Variants in TEX14 observed in about 807,000 individuals in gnomAD.
TEX14 encodes the protein testis expressed 14, intercellular bridge forming factor.
In TEX14, 168 loss-of-function variants were observed where a neutral mutation model predicts 178.6. The ratio of observed to expected loss-of-function variants is 0.94; its 90% confidence interval spans 0.83 to 1.07. The LOEUF (loss-of-function observed/expected upper bound fraction) is 1.07, where lower values mean the gene tolerates loss of function less well. Among genes scored for constraint, TEX14 ranks in the 50% least tolerant of loss-of-function variants. The probability of loss-of-function intolerance (pLI) is 0.00; values close to 1 mark genes in which losing one functional copy is unlikely to be tolerated. For missense variants in TEX14, 1,730 were observed against 1,753.6 expected, an observed-to-expected ratio of 0.99 and a Z score of 0.24; for synonymous variants, 626 against 634.1, an observed-to-expected ratio of 0.99 and a Z score of 0.19.
intron 5 of TEX14, among the ~76,000 whole-genome samples, chr17:58,619,606 C>T (rs1354545213): frequency 1.3e-5 from 2 of 151,958 alleles, no homozygotes; most frequent in East Asian, 3.9e-4. Flanking sequence ...TCAGGAATTC[C>T]AGACTAGCCT....
chr17:58,631,713 A>G (rs949344462), intron 2 of TEX14: 1 of 150,552 alleles, frequency 6.6e-6, no homozygotes, highest in Non-Finnish European at 1.5e-5. Context: ...CGCAACACCA[A>G]ACACTGCTAT....
At chr17:58,620,556 C>T (rs1598392718) in intron 5 of TEX14, among the ~76,000 whole-genome samples, 1 of 151,796 alleles carries the variant, frequency 6.6e-6, no homozygotes, top group East Asian at 1.9e-4. Flanking sequence ...TGCAGTGGTG[C>T]GATCTCGGCT....
intron 2 of TEX14, chr17:58,631,158 C>T (rs1383379462): frequency 2.0e-6 from 2 of 984,716 alleles, no homozygotes; most frequent in Non-Finnish European, 2.4e-6. Context: ...CCAAGAAATA[C>T]AAAAATTGAA....
intron 1 of TEX14, among the ~76,000 whole-genome samples, chr17:58,685,476 G>T (rs2047575691): frequency 6.6e-6 from 1 of 151,292 alleles, no homozygotes; most frequent in Non-Finnish European, 1.5e-5. Flanking sequence ...CAGATAAATA[G>T]TAGTTAATTA....
chr17:58,641,799 C>T (rs1380971849), intron 2 of TEX14, among the ~76,000 whole-genome samples: 3 of 152,154 alleles, frequency 2.0e-5, no homozygotes, highest in Non-Finnish European at 4.4e-5. Flanking sequence ...TAAGCCACTG[C>T]GCCCAGCCAA....
At chr17:58,659,454 G>T in intron 1 of TEX14, 1 of 365,164 alleles carries the variant, frequency 2.7e-6, no homozygotes, top group Non-Finnish European at 3.8e-6. Flanking sequence ...TTTGGTATTC[G>T]CTAGAAAATT....
intron 29 of TEX14, 100 bp downstream of exon 29, chr17:58,561,420 A>C (rs2044270013): frequency 1.2e-6 from 1 of 824,088 alleles, no homozygotes; most frequent in South Asian, 1.5e-5. Flanking sequence ...TATCTAAATC[A>C]ATGTAATGCC....
chr17:58,690,587 A>G (rs934862922), intron 1 of TEX14, among the ~76,000 whole-genome samples: 1 of 152,122 alleles, frequency 6.6e-6, no homozygotes, highest in African/African-American at 2.4e-5. Flanking sequence ...TTTTTTCTTC[A>G]CCCAAGAATC....
At chr17:58,684,302 A>G (rs1252539239) in intron 1 of TEX14, among the ~76,000 whole-genome samples, 4 of 151,760 alleles carry the variant, frequency 2.6e-5, no homozygotes. Flanking sequence ...TCTCTACTAA[A>G]AATACAAAAA....
intron 1 of TEX14, chr17:58,666,503 CAACT>C (rs1204459086): frequency 1.4e-4 from 14 of 98,870 alleles, no homozygotes; most frequent in African/African-American, 4.8e-4. Context: ...AGCTAATACA[CAACT>C]AACAAAACTT....
intron 2 of TEX14, among the ~76,000 whole-genome samples, chr17:58,640,920 G>A (rs751392100): frequency 4.0e-5 from 6 of 151,860 alleles, no homozygotes; most frequent in Non-Finnish European, 7.4e-5. Flanking sequence ...AGTTTTCACC[G>A]CGTTGCCCAG....
chr17:58,649,324 C>T (rs2046790874), intron 2 of TEX14, among the ~76,000 whole-genome samples: 1 of 152,106 alleles, frequency 6.6e-6, no homozygotes, highest in African/African-American at 2.4e-5. Context: ...AGGTGATCCA[C>T]CCACCTCAGC....
chr17:58,663,437 A>G (rs2047154233), intron 1 of TEX14, among the ~76,000 whole-genome samples: 1 of 151,922 alleles, frequency 6.6e-6, no homozygotes, highest in African/African-American at 2.4e-5. Flanking sequence ...AAAAAAAAAA[A>G]AAAGTCATTA....
intron 30 of TEX14, 46 bp from the exon 31 acceptor site, chr17:58,557,896 T>G: frequency 6.7e-7 from 1 of 1,502,024 alleles, no homozygotes; most frequent in Non-Finnish European, 9.2e-7. Context: ...GATTAATTTC[T>G]AGGTCAAAGG....
chr17:58,674,534 G>A (rs1204398104), intron 1 of TEX14, among the ~76,000 whole-genome samples: 1 of 151,520 alleles, frequency 6.6e-6, no homozygotes, highest in Non-Finnish European at 1.5e-5. Context: ...GCTGAGCATG[G>A]TGGCTCAGGC....
intron 2 of TEX14, among the ~76,000 whole-genome samples, chr17:58,634,016 A>C (rs2046380348): frequency 6.6e-6 from 1 of 151,854 alleles, no homozygotes; most frequent in South Asian, 2.1e-4. Flanking sequence ...AAGTAGGCAG[A>C]GATTAGAGGA....
In TEX14 at chr17:58,587,948, T is replaced by C. The variant is rs777856257; in HGVS notation, c.2650A>G (p.Ser884Gly). ...GATGCAGAAGGTCCCTGCCGGTGGC[T>C]TGACAGAGTGAAGAGTGCACTATTA... ...QFNSALFTLS[S>G]HRQGPSASPS... The change falls in exon 16 of 32, where the codon AGC becomes GGC. Residue 884 changes from serine (S) to glycine (G), a missense_variant. Transcript: ENST00000349033. 3 of 1,611,642 alleles carry C rather than the reference T, an allele frequency of 1.9e-6. No homozygotes were observed. The highest frequency in any genetic ancestry group is 3.3e-5 in the Admixed American group (2 of 59,892).
chr17:58,570,977 G>A (rs781108173), intron 24 of TEX14, among the ~76,000 whole-genome samples: 7 of 151,890 alleles, frequency 4.6e-5, no homozygotes, highest in African/African-American at 1.5e-4. Context: ...AGTACTTACC[G>A]CTGTGTTACA....
In TEX14 at chr17:58,611,359, TGCCACG is replaced by T; in HGVS notation, c.1006-26_1006-21del. 1 of 1,585,930 alleles carries T rather than the reference TGCCACG, an allele frequency of 6.3e-7. No individual in the cohort carries two copies. ...GGACCGCTGCAAGCAAGAGATGAAA[TGCCACG>T]AAAAAAAAAAGGACTGGGGCCCTGA... is the stretch of plus-strand genomic sequence containing the variant. On this transcript the variant is annotated intron_variant, in intron 9 of 31. Coordinates refer to ENST00000349033, the MANE Select transcript of TEX14 (RefSeq NM_031272.5).
Sources: allele counts gnomAD v4.1 joint callset (sites outside exome capture counted in the v4.1 genomes callset), GRCh38; gene constraint gnomAD v4.1.1; transcripts MANE v1.5; gene names NCBI Gene and HGNC (gene_info 2026-07-23, HGNC 2026-07-21).